The following WWTR1 variants were observed in gnomAD, a reference collection of about 807,000 sequenced individuals.
The protein encoded by WWTR1 is WW domain containing transcription regulator 1, also known as WW domain-containing transcription regulator protein 1.
A neutral mutation model predicts 40.1 loss-of-function variants in WWTR1; 13 were observed. The observed-to-expected ratio is 0.32, with a 90% CI of 0.21 to 0.52. The LOEUF (loss-of-function observed/expected upper bound fraction) is 0.52. WWTR1 is among the 20% of genes least tolerant of loss of function. The pLI, the probability that WWTR1 is intolerant of heterozygous loss-of-function variation, is 0.97. For missense variants in WWTR1, 436 were observed against 523.1 expected (o/e 0.83, Z 1.63); for synonymous variants, 230 against 210.1 (o/e 1.09, Z -0.82).
intron 3 of WWTR1, among the ~76,000 whole-genome samples, chr3:149,559,456 G>T (rs1560060150): frequency 6.6e-6 from 1 of 152,100 alleles, no homozygotes; most frequent in African/African-American, 2.4e-5. Context: ...TGGATAGATG[G>T]ATAGATGCAA....
At chr3:149,607,314 A>G (rs1226877697) in intron 2 of WWTR1, among the ~76,000 whole-genome samples, 3 of 152,038 alleles carry the variant, frequency 2.0e-5, no homozygotes, top group South Asian at 4.1e-4. Context: ...AGAATTTGAC[A>G]TAGTTCTTTT....
At chr3:149,721,609 G>C (rs1715759017) in intron 4 of WWTR1, among the ~76,000 whole-genome samples, 1 of 152,154 alleles carries the variant, frequency 6.6e-6, no homozygotes, top group Non-Finnish European at 1.5e-5. Context: ...TCAGGGTAAT[G>C]CTGGCCTAAT....
At chr3:149,649,460 C>T (rs560615004) in intron 2 of WWTR1, among the ~76,000 whole-genome samples, 2 of 152,054 alleles carry the variant, frequency 1.3e-5, no homozygotes, top group Non-Finnish European at 2.9e-5. Flanking sequence ...GCGCTCAGCA[C>T]TTTATAAATG....
At chr3:149,692,365 T>A (rs1366297325) in intron 1 of WWTR1, among the ~76,000 whole-genome samples, 1 of 152,200 alleles carries the variant, frequency 6.6e-6, no homozygotes, top group Non-Finnish European at 1.5e-5. Context: ...AATCAAAGAA[T>A]GTGATACATC....
At chr3:149,647,396 G>A (rs1712591679) in intron 2 of WWTR1, among the ~76,000 whole-genome samples, 1 of 152,208 alleles carries the variant, frequency 6.6e-6, no homozygotes, top group Admixed American at 6.5e-5. Context: ...CCCAGGCAGG[G>A]CATCCTCAGG....
rs1560089645 is a variant in WWTR1 at position 149,622,488 on chromosome 3, AG to A, written c.431+34387del. On this transcript the variant is annotated intron_variant, in intron 2 of 6. Coordinates refer to ENST00000360632, the MANE Select transcript of WWTR1 (RefSeq NM_015472.6). ...AAGGAAGGAAGGAAGGAAGGAAGGA[AG>A]GAAGGAAGGAAGGAAGAAAGAAAGA... Among the ~76,000 whole-genome samples, 247 of 135,772 alleles carry A rather than the reference AG, an allele frequency of 1.8e-3. 1 individual carries two copies. Among genetic ancestry groups the A allele is most frequent in the East Asian group, 7.0e-3 (30 of 4,298 alleles). The allele number at this position is 135,772 out of a possible 152,430, so 89.1% of individuals were successfully genotyped here.
At chr3:149,664,373 T>C (rs963143214) in intron 2 of WWTR1, among the ~76,000 whole-genome samples, 4 of 152,224 alleles carry the variant, frequency 2.6e-5, no homozygotes, top group African/African-American at 9.6e-5. Flanking sequence ...AACGTGATAC[T>C]TGTGTTTTCA....
At chr3:149,581,334 C>A (rs1410475841) in intron 2 of WWTR1, among the ~76,000 whole-genome samples, 3 of 150,844 alleles carry the variant, frequency 2.0e-5, no homozygotes, top group South Asian at 4.2e-4. Context: ...AGAGTTTAAA[C>A]CCCAAAGCTA....
intron 6 of WWTR1, among the ~76,000 whole-genome samples, chr3:149,522,329 A>C (rs1427438381): frequency 6.6e-6 from 1 of 152,204 alleles, no homozygotes; most frequent in Non-Finnish European, 1.5e-5. Context: ...CTTCCAAATG[A>C]TGAAGGAACC....
intron 3 of WWTR1, among the ~76,000 whole-genome samples, chr3:149,548,342 G>A (rs1018252726): frequency 6.6e-6 from 1 of 152,196 alleles, no homozygotes; most frequent in Non-Finnish European, 1.5e-5. Flanking sequence ...AGCTGCAGAC[G>A]ATGAGGGAGG....
chr3:149,549,930 TAAA>T lies in WWTR1; in HGVS notation c.569-7396_569-7394del, dbSNP rs199799074. Among the ~76,000 whole-genome samples, 1,499 of 152,220 alleles carry T rather than the reference TAAA, an allele frequency of 9.8e-3. 44 individuals carry two copies. The East Asian group carries it at 0.13, about 13-fold the overall frequency. On this transcript the variant is annotated intron_variant, in intron 3 of 6. Coordinates refer to ENST00000360632, the MANE Select transcript of WWTR1 (RefSeq NM_015472.6). ...CTCTGGAACAGAAAAAGATATTAGA[TAAA>T]AACTAAAGAAATCTGAATAAAGTAT...
intron 2 of WWTR1, among the ~76,000 whole-genome samples, chr3:149,668,445 A>G (rs1713925486): frequency 6.6e-6 from 1 of 151,978 alleles, no homozygotes; most frequent in South Asian, 2.1e-4. Context: ...CGTCTCTACT[A>G]AAAATACAAA....
intron 2 of WWTR1, among the ~76,000 whole-genome samples, chr3:149,646,469 TTCTC>T (rs1250255875): frequency 9.9e-5 from 15 of 152,242 alleles, no homozygotes; most frequent in Non-Finnish European, 1.2e-4. Flanking sequence ...TACTCTCAAC[TTCTC>T]TATCTAGCTC....
At chr3:149,627,540 G>C (rs1411106736) in intron 2 of WWTR1, among the ~76,000 whole-genome samples, 1 of 152,176 alleles carries the variant, frequency 6.6e-6, no homozygotes, top group Non-Finnish European at 1.5e-5. Context: ...CAGGAAGAAA[G>C]GAATAGGTGG....
chr3:149,536,908 G>A (rs146514274), intron 4 of WWTR1, among the ~76,000 whole-genome samples: 2 of 152,148 alleles, frequency 1.3e-5, no homozygotes, highest in African/African-American at 4.8e-5. Flanking sequence ...CCTGGTCCTC[G>A]AGGTTAAAAT....
chr3:149,611,049 G>C (rs1243204734), intron 2 of WWTR1, among the ~76,000 whole-genome samples: 1 of 152,112 alleles, frequency 6.6e-6, no homozygotes, highest in African/African-American at 2.4e-5. Context: ...AGCTACTCAG[G>C]AGGCTGAGGT....
At chr3:149,696,112 CAAAAAA>C (rs368629673) in intron 1 of WWTR1, among the ~76,000 whole-genome samples, 4 of 77,130 alleles carry the variant, frequency 5.2e-5, no homozygotes, top group African/African-American at 5.5e-5. Context: ...GACTCTGTCT[CAAAAAA>C]AAAAAAAAAA....
In WWTR1 at chr3:149,678,628, A is replaced by G. The variant is rs563252784; in HGVS notation, c.-107-8737T>C. ...CCCTGCCACTGTGAAGGCTTACAGT[A>G]TCAATTTCTTTATGTACCAGCTGCC... On this transcript the variant is annotated intron_variant, in intron 1 of 7. Transcript: ENST00000465804. 2.3e-3 allele frequency among the ~76,000 whole-genome samples: 347 copies of G among 152,210 alleles called. 3 individuals carry two copies. Among genetic ancestry groups the G allele is most frequent in the African/African-American group, 7.6e-3 (314 of 41,542 alleles).
intron 3 of WWTR1, among the ~76,000 whole-genome samples, chr3:149,552,688 G>A (rs115800021): frequency 0.015 from 2,245 of 152,266 alleles, 56 homozygotes; most frequent in African/African-American, 0.05. Flanking sequence ...TTATAGGTGA[G>A]GGCCATGTAT....
Sources: gnomAD v4.1 joint callset for allele counts (sites outside exome capture counted in the v4.1 genomes callset) on GRCh38, gnomAD v4.1.1 for gene constraint, MANE v1.5 for transcripts, NCBI Gene and HGNC (gene_info 2026-07-23, HGNC 2026-07-21) for gene names.